RNF220: variants seen among roughly 807,000 people sequenced by gnomAD.
RNF220 encodes the protein E3 ubiquitin-protein ligase RNF220.
RNF220 carries 7 observed loss-of-function variants against 67.1 expected under a neutral mutation model. The ratio of observed to expected loss-of-function variants is 0.10; its 90% CI spans 0.06 to 0.20. The LOEUF is 0.20. Among genes scored for constraint, RNF220 ranks in the 10% least tolerant of loss-of-function variants. RNF220 has a pLI of 1.00. For synonymous variants in RNF220, 270 were observed against 283.2 expected, an observed-to-expected ratio of 0.95 and a Z score of 0.47; for missense variants, 565 against 740.3, an observed-to-expected ratio of 0.76 and a Z score of 2.75.
chr1:44,644,590 C>G, intron 8 of RNF220, 108 bp from the exon 9 acceptor site: 1 of 786,674 alleles, frequency 1.3e-6, no homozygotes, highest in Non-Finnish European at 2.2e-6. Context: ...CCAGGTTTCC[C>G]TCTGGGCCTT....
chr1:44,428,495 C>T (rs1235419785), intron 2 of RNF220, among the ~76,000 whole-genome samples: 1 of 152,124 alleles, frequency 6.6e-6, no homozygotes, highest in Non-Finnish European at 1.5e-5. Context: ...CTATTTAGAG[C>T]TCATCACATT....
intron 2 of RNF220, among the ~76,000 whole-genome samples, chr1:44,490,972 G>C (rs1014344276): frequency 1.3e-5 from 2 of 152,080 alleles, no homozygotes; most frequent in Non-Finnish European, 2.9e-5. Flanking sequence ...ATGCCAAAAA[G>C]TTAGATAAAT....
At chr1:44,510,664 TC>T in intron 2 of RNF220, among the ~76,000 whole-genome samples, 1 of 152,258 alleles carries the variant, frequency 6.6e-6, no homozygotes, top group Admixed American at 6.5e-5. Context: ...ATTCTGTCCT[TC>T]CGGGATGTAA....
intron 2 of RNF220, among the ~76,000 whole-genome samples, chr1:44,546,921 G>A (rs1290166483): frequency 6.6e-6 from 1 of 152,226 alleles, no homozygotes; most frequent in Non-Finnish European, 1.5e-5. Context: ...CAGTCCCAGA[G>A]TCATACCCCT....
Position 44,452,174 on chromosome 1 carries a change from C to T in RNF220, c.625+39452C>T, listed in dbSNP as rs574139242. 2.8e-4 allele frequency among the ~76,000 whole-genome samples: 43 copies of T among 152,332 alleles called. No homozygotes were observed. The South Asian group carries it at 3.9e-3, about 14-fold the overall frequency. On this transcript the variant is annotated intron_variant, in intron 2 of 14. Coordinates refer to ENST00000361799, the MANE Select transcript of RNF220 (RefSeq NM_018150.4). ...GGGTTTGCTTCTGAATTCTGTTCTA[C>T]TCCTTGGATTTTTTTATTTTTGGTC...
intron 2 of RNF220, among the ~76,000 whole-genome samples, chr1:44,612,385 G>A (rs534942263): frequency 1.3e-5 from 2 of 152,274 alleles, no homozygotes; most frequent in South Asian, 2.1e-4. Context: ...TCATTAACTC[G>A]TTCAATTGCC....
At chr1:44,420,108 CTGTCAGT>C (rs759457123) in intron 2 of RNF220, among the ~76,000 whole-genome samples, 2 of 152,160 alleles carry the variant, frequency 1.3e-5, no homozygotes, top group African/African-American at 2.4e-5. Flanking sequence ...AGATATGTGG[CTGTCAGT>C]TTTCTCTGTG....
chr1:44,422,684 A>G (rs928675599), intron 2 of RNF220, among the ~76,000 whole-genome samples: 37 of 152,204 alleles, frequency 2.4e-4, no homozygotes, highest in African/African-American at 8.7e-4. Flanking sequence ...TCATGGCCAG[A>G]ATAGCTCTCA....
chr1:44,558,095 T>G (rs1184776752), intron 2 of RNF220, among the ~76,000 whole-genome samples: 3 of 152,220 alleles, frequency 2.0e-5, no homozygotes, highest in African/African-American at 2.4e-5. Context: ...TGAAGAAGGA[T>G]TTCTAGGTCC....
intron 2 of RNF220, among the ~76,000 whole-genome samples, chr1:44,567,110 T>C (rs980508552): frequency 6.6e-6 from 1 of 152,172 alleles, no homozygotes; most frequent in African/African-American, 2.4e-5. Flanking sequence ...TCCTGAAATC[T>C]GAGTTCTTGG....
chr1:44,638,961 C>G (rs1007851803), intron 8 of RNF220, among the ~76,000 whole-genome samples: 1 of 152,190 alleles, frequency 6.6e-6, no homozygotes, highest in African/African-American at 2.4e-5. Flanking sequence ...AGCTGTGTGT[C>G]TAAGTTGTTG....
intron 2 of RNF220, among the ~76,000 whole-genome samples, chr1:44,509,935 GAAAGA>G: frequency 7.5e-6 from 1 of 133,292 alleles, no homozygotes; most frequent in South Asian, 2.6e-4. Flanking sequence ...AAAAGGAAAA[GAAAGA>G]AAAGAAAATC....
intron 2 of RNF220, among the ~76,000 whole-genome samples, chr1:44,425,161 C>G (rs1649630488): frequency 6.6e-6 from 1 of 152,212 alleles, no homozygotes; most frequent in Admixed American, 6.5e-5. Context: ...TAGGGGCTTG[C>G]TCTGAGAGGT....
chr1:44,484,417 A>G (rs752916992), intron 2 of RNF220, among the ~76,000 whole-genome samples: 4 of 152,142 alleles, frequency 2.6e-5, no homozygotes, highest in Non-Finnish European at 5.9e-5. Context: ...AGAAGTGAGC[A>G]CATAGCAAAC....
At position 44,555,774 on chromosome 1, in the gene RNF220, C is replaced by T. The variant is rs150280835; in HGVS notation, c.626-58391C>T. On this transcript the variant is annotated intron_variant, in intron 2 of 14. Coordinates refer to ENST00000361799, the MANE Select transcript of RNF220 (RefSeq NM_018150.4). The stretch of plus-strand genomic sequence containing the variant: ...ACAGGCGTGAGCCACCGCGCCTGGC[C>T]TGAATGTACCAATTTATTTTTACCT... Among the ~76,000 whole-genome samples the T allele has an allele frequency of 4.1e-4, 62 of 150,638 alleles. 2 individuals are homozygous for T. The highest frequency in any genetic ancestry group is 1.5e-3 in the African/African-American group (59 of 40,334).
At position 44,412,027 on chromosome 1, in the gene RNF220, A is replaced by C. The variant is rs563757648; in HGVS notation, c.-71A>C. ...CCAGTAATATTCCCTGCCCTGACCC[A>C]AAGTGCTGGTTGGCCTCCCTCCCAG... On this transcript the variant is annotated 5_prime_UTR_variant, in exon 2 of 15. Transcript: ENST00000361799. This position sits in a 1 kb window ranked among gnomAD's most constrained non-coding sequence, Gnocchi z 5.3. 2.3e-5 allele frequency: 36 copies of C among 1,534,022 alleles called. No homozygotes were observed. The South Asian group carries it at 4.3e-4, about 18-fold the overall frequency.
intron 2 of RNF220, among the ~76,000 whole-genome samples, chr1:44,609,512 C>T (rs759153439): frequency 2.6e-5 from 4 of 152,164 alleles, no homozygotes; most frequent in Non-Finnish European, 4.4e-5. Flanking sequence ...ACAAGACGCC[C>T]GACCTCTATA....
At chr1:44,552,107 C>T (rs1007377080) in intron 2 of RNF220, among the ~76,000 whole-genome samples, 11 of 152,182 alleles carry the variant, frequency 7.2e-5, no homozygotes, top group Non-Finnish European at 1.3e-4. Flanking sequence ...TCCTATAAGC[C>T]TCATCTAAGA....
chr1:44,498,405 G>A (rs1238116169), intron 2 of RNF220, among the ~76,000 whole-genome samples: 4 of 152,052 alleles, frequency 2.6e-5, no homozygotes, highest in African/African-American at 9.7e-5. Context: ...GGAAGCCTTC[G>A]TTCCTGTAGG....
Sources: gnomAD v4.1 joint callset for allele counts (sites outside exome capture counted in the v4.1 genomes callset) on GRCh38, gnomAD v4.1.1 for gene constraint, Gnocchi (gnomAD v3.1) non-coding constraint, MANE v1.5 for transcripts, NCBI Gene and HGNC (gene_info 2026-07-23, HGNC 2026-07-21) for gene names.